Variants in LRCH1 observed in about 807,000 individuals in gnomAD.
The protein encoded by LRCH1 is leucine rich repeats and calponin homology domain containing 1.
Under a neutral mutation model 94.9 loss-of-function variants are expected in LRCH1, and 23 were observed. The ratio of observed to expected loss-of-function variants is 0.24; its 90% CI spans 0.17 to 0.34. LRCH1 has a LOEUF of 0.34. LRCH1 is among the 10% of genes least tolerant of loss of function. The pLI, the probability that LRCH1 is intolerant of heterozygous loss-of-function variation, is 1.00. For synonymous variants in LRCH1, 364 were observed against 354.9 expected (o/e 1.03, Z -0.29); for missense variants, 790 against 945.9 (o/e 0.84, Z 2.16).
At chr13:46,736,182 C>T (rs1269520863) in intron 19 of LRCH1, among the ~76,000 whole-genome samples, 1 of 146,824 alleles carries the variant, frequency 6.8e-6, no homozygotes, top group African/African-American at 2.5e-5. Context: ...ATGAATAATC[C>T]AATAGCATTT....
chr13:46,702,142 G>A (rs549170337), intron 11 of LRCH1, among the ~76,000 whole-genome samples: 2 of 152,360 alleles, frequency 1.3e-5, no homozygotes, highest in African/African-American at 4.8e-5. Flanking sequence ...GGGATGTAAA[G>A]ATGGACAAGA....
At chr13:46,698,705 C>T (rs928011382) in intron 9 of LRCH1, among the ~76,000 whole-genome samples, 1 of 152,092 alleles carries the variant, frequency 6.6e-6, no homozygotes, top group African/African-American at 2.4e-5. Context: ...GCTAAAAGGG[C>T]AATAGGAAAT....
intron 1 of LRCH1, among the ~76,000 whole-genome samples, chr13:46,583,082 C>T: frequency 6.6e-6 from 1 of 152,170 alleles, no homozygotes; most frequent in Non-Finnish European, 1.5e-5. Context: ...AATATTCTGC[C>T]ACAGATTCTC....
intron 2 of LRCH1, among the ~76,000 whole-genome samples, chr13:46,662,314 G>A (rs1295655290): frequency 6.6e-6 from 1 of 152,170 alleles, no homozygotes; most frequent in Non-Finnish European, 1.5e-5. Context: ...TGTGCCAGGA[G>A]CAATGATCTG....
At chr13:46,752,899 G>A (rs182000764) in exon 19 of LRCH1, 6 of 152,008 alleles carry the variant, frequency 3.9e-5, no homozygotes, top group African/African-American at 9.6e-5. Context: ...TGGCTAAGAC[G>A]TCTTCAAGAT....
intron 18 of LRCH1, 79 bp downstream of exon 18, chr13:46,729,063 G>GT: frequency 7.2e-7 from 1 of 1,392,236 alleles, no homozygotes; most frequent in Non-Finnish European, 9.7e-7. Context: ...GATGTCAATG[G>GT]TGTCAGTAGG....
At position 46,735,788 on chromosome 13, in the gene LRCH1, C is replaced by CTTTTTTTTTTTTTTTT. The variant is rs1288570749; in HGVS notation, c.2085+1794_2085+1795insTTTTTTTTTTTTTTTT. Among the ~76,000 whole-genome samples, 11 of 69,900 alleles carry CTTTTTTTTTTTTTTTT rather than the reference C, an allele frequency of 1.6e-4. 2 individuals are homozygous for CTTTTTTTTTTTTTTTT. Among genetic ancestry groups the CTTTTTTTTTTTTTTTT allele is most frequent in the African/African-American group, 2.4e-4 (5 of 21,128 alleles). The allele number at this position is 69,900 out of a possible 152,430, so 45.9% of individuals were successfully genotyped here. ...AGGTGATTTTCCTTTTTTTCTTTTT[C>CTTTTTTTTTTTTTTTT]TTTTCTTTTTTTTTTTTTTTTCGAG... On this transcript the variant is annotated intron_variant, in intron 19 of 19. Coordinates refer to ENST00000389797, the MANE Select transcript of LRCH1 (RefSeq NM_001164211.2).
intron 1 of LRCH1, among the ~76,000 whole-genome samples, chr13:46,567,527 T>TGTGTGTGTGTGTG (rs2050197907): frequency 1.3e-5 from 2 of 151,698 alleles, no homozygotes; most frequent in Admixed American, 6.6e-5. Flanking sequence ...TGTGTGTGTG[T>TGTGTGTGTGTGTG]TTTCCTGGTG....
At chr13:46,750,270 A>C (rs1874072572) in intron 18 of LRCH1, among the ~76,000 whole-genome samples, 1 of 152,168 alleles carries the variant, frequency 6.6e-6, no homozygotes, top group African/African-American at 2.4e-5. Flanking sequence ...ATTTAGTGTA[A>C]AACTTTCTTA....
In LRCH1 at chr13:46,743,800, A is replaced by ACT; in HGVS notation, c.*1954_*1955dup. ...AATATCAATAAAAACTGAGTAGGAC[A>ACT]CTCATGTAAGAGTAGATTTAATTTT... is the stretch of plus-strand genomic sequence containing the variant. On this transcript the variant is annotated 3_prime_UTR_variant, in exon 20 of 20. Coordinates refer to ENST00000389797, the MANE Select transcript of LRCH1 (RefSeq NM_001164211.2). 1.0e-6 allele frequency: 1 copy of ACT among 984,238 alleles called. No individual in the cohort carries two copies. The highest frequency in any genetic ancestry group is 1.2e-6 in the Non-Finnish European group (1 of 828,848). 61.0% of individuals were successfully genotyped at this position (984,238 alleles called of 1,614,324 possible).
rs535524414 is a variant in LRCH1 at position 46,741,942 on chromosome 13, C to G, written c.*94C>G. On this transcript the variant is annotated 3_prime_UTR_variant, in exon 20 of 20. Transcript: ENST00000389797. The stretch of plus-strand genomic sequence containing the variant: ...AGCCTTTGCCTTGCAAACTTCCATC[C>G]CTGTCATGTCTTCAGTTATCTCTCG... The G allele has an allele frequency of 1.4e-5, 22 of 1,579,848 alleles. No individual in the cohort carries two copies. The African/African-American group carries it at 2.4e-4, about 17-fold the overall frequency.
At chr13:46,712,769 G>A (rs1019442439) in intron 15 of LRCH1, among the ~76,000 whole-genome samples, 172 bp downstream of exon 15, 4 of 152,228 alleles carry the variant, frequency 2.6e-5, no homozygotes, top group Admixed American at 2.0e-4. Flanking sequence ...CAGTGAATCA[G>A]CTAAGTCCGT....
intron 1 of LRCH1, among the ~76,000 whole-genome samples, chr13:46,623,969 A>C (rs963574595): frequency 1.3e-5 from 2 of 150,530 alleles, no homozygotes; most frequent in African/African-American, 2.4e-5. Flanking sequence ...CTGCAGCCTC[A>C]AACTCCTGGG....
At chr13:46,611,243 G>A (rs2050744272) in intron 1 of LRCH1, among the ~76,000 whole-genome samples, 1 of 152,154 alleles carries the variant, frequency 6.6e-6, no homozygotes, top group African/African-American at 2.4e-5. Context: ...TTATGCTAGT[G>A]AGGGTTTGTG....
intron 1 of LRCH1, among the ~76,000 whole-genome samples, chr13:46,567,778 T>A (rs1310538693): frequency 6.6e-6 from 1 of 152,160 alleles, no homozygotes; most frequent in Non-Finnish European, 1.5e-5. Context: ...TGTCTCTTCC[T>A]CCCCTGCACA....
At chr13:46,645,091 AG>A (rs2051204030) in intron 1 of LRCH1, among the ~76,000 whole-genome samples, 1 of 100,918 alleles carries the variant, frequency 9.9e-6, no homozygotes, top group Non-Finnish European at 2.1e-5. Flanking sequence ...GAGATTATGG[AG>A]GAAAAGATAA....
At chr13:46,643,950 G>A (rs528067970) in intron 1 of LRCH1, among the ~76,000 whole-genome samples, 5 of 152,022 alleles carry the variant, frequency 3.3e-5, no homozygotes, top group East Asian at 1.9e-4. Context: ...GGGCTTATAC[G>A]AAGACCATGT....
chr13:46,642,923 A>G (rs2051176816), intron 1 of LRCH1, among the ~76,000 whole-genome samples: 1 of 151,850 alleles, frequency 6.6e-6, no homozygotes, highest in South Asian at 2.1e-4. Flanking sequence ...GTTAAAAAAA[A>G]CTCTCCGAGT....
intron 16 of LRCH1, among the ~76,000 whole-genome samples, chr13:46,719,404 A>G (rs758833125): frequency 3.9e-5 from 6 of 152,376 alleles, no homozygotes; most frequent in Non-Finnish European, 8.8e-5. Flanking sequence ...TTACAGATCC[A>G]TAATGGAGCG....
Sources: allele counts gnomAD v4.1 joint callset (sites outside exome capture counted in the v4.1 genomes callset), GRCh38; gene constraint gnomAD v4.1.1; transcripts MANE v1.5; gene names NCBI Gene and HGNC (gene_info 2026-07-23, HGNC 2026-07-21).